The following PSMB7 variants were observed in gnomAD, a reference collection of about 807,000 sequenced individuals.
The protein encoded by PSMB7 is proteasome subunit beta type-7.
A neutral mutation model predicts 28.1 loss-of-function variants in PSMB7; 5 were observed. The observed-to-expected ratio is 0.18, with a 90% CI of 0.09 to 0.37. The LOEUF (loss-of-function observed/expected upper bound fraction) is 0.37. Ranked by LOEUF, PSMB7 falls within the 10% of genes least tolerant of loss-of-function variation. The pLI is 1.00. For missense variants in PSMB7, 275 were observed against 346.2 expected, an observed-to-expected ratio of 0.79 and a Z score of 1.63; for synonymous variants, 122 against 123.7, an observed-to-expected ratio of 0.99 and a Z score of 0.09.
rs1272389688 is a variant in PSMB7 at position 124,356,731 on chromosome 9, G to A, written c.722+33C>T. The A allele has an allele frequency of 1.9e-6, 3 of 1,596,098 alleles. No homozygotes were observed. In the South Asian group the frequency reaches 3.3e-5, roughly 18 times the overall value. ...TACCAAGGGTGGCCACGACGCCAGGGGACCCAGGAAGAACTTCGTCTCCTT... is the reference window on the plus strand; with the variant it reads ...TACCAAGGGTGGCCACGACGCCAGGAGACCCAGGAAGAACTTCGTCTCCTT... On this transcript the variant is annotated intron_variant, in intron 7 of 7. Coordinates refer to ENST00000259457, the MANE Select transcript of PSMB7 (RefSeq NM_002799.4). The surrounding 1 kb of genome is among the most constrained non-coding windows in gnomAD (Gnocchi z 4.4).
chr9:124,374,142 A>G (rs1205312264), intron 6 of PSMB7, among the ~76,000 whole-genome samples: 2 of 152,250 alleles, frequency 1.3e-5, no homozygotes, highest in African/African-American at 4.8e-5. Flanking sequence ...ACAAAAGACC[A>G]CATATTATAT....
At chr9:124,377,752 C>G (rs781049496) in intron 6 of PSMB7, among the ~76,000 whole-genome samples, 4 of 152,220 alleles carry the variant, frequency 2.6e-5, no homozygotes, top group Non-Finnish European at 5.9e-5. Flanking sequence ...ATAAATCAGA[C>G]GGCTGAAGTG....
chr9:124,389,564 C>T (rs948384505), intron 5 of PSMB7, among the ~76,000 whole-genome samples: 22 of 152,194 alleles, frequency 1.4e-4, no homozygotes, highest in Non-Finnish European at 2.9e-4. Flanking sequence ...CCCTGTTCAA[C>T]ACCCGCCACC....
At chr9:124,407,231 A>G (rs1308893655) in intron 4 of PSMB7, among the ~76,000 whole-genome samples, 1 of 152,380 alleles carries the variant, frequency 6.6e-6, no homozygotes, top group East Asian at 1.9e-4. Flanking sequence ...TGTCTGAGAC[A>G]TGGCCACACA....
At chr9:124,355,350 A>G (rs1022815069) in intron 7 of PSMB7, among the ~76,000 whole-genome samples, 11 of 152,206 alleles carry the variant, frequency 7.2e-5, no homozygotes, top group African/African-American at 2.4e-4. Context: ...CCCAGGAAGT[A>G]GGATGTGCCA....
intron 6 of PSMB7, among the ~76,000 whole-genome samples, chr9:124,374,315 G>A (rs1053676257): frequency 6.6e-6 from 1 of 152,124 alleles, no homozygotes; most frequent in Non-Finnish European, 1.5e-5. Flanking sequence ...ATTGACTGTG[G>A]TAATAGCTGT....
At chr9:124,401,703 C>G (rs1236301177) in intron 5 of PSMB7, among the ~76,000 whole-genome samples, 1 of 152,170 alleles carries the variant, frequency 6.6e-6, no homozygotes, top group East Asian at 1.9e-4. Context: ...TGCTATAGTG[C>G]CTTTACACAG....
At chr9:124,407,420 C>T (rs1830977676) in intron 4 of PSMB7, among the ~76,000 whole-genome samples, 2 of 152,166 alleles carry the variant, frequency 1.3e-5, no homozygotes, top group African/African-American at 2.4e-5. Flanking sequence ...CAAGGCCCCA[C>T]GTGTGAGCTA....
intron 5 of PSMB7, chr9:124,396,728 C>G (rs1294232676): frequency 1.3e-5 from 6 of 455,816 alleles, no homozygotes; most frequent in African/African-American, 1.2e-4. Flanking sequence ...GATAAGCAGG[C>G]AAAAACAAAA....
At chr9:124,388,883 G>C (rs1830754909) in intron 5 of PSMB7, among the ~76,000 whole-genome samples, 7 of 152,074 alleles carry the variant, frequency 4.6e-5, no homozygotes, top group Admixed American at 4.6e-4. Context: ...CCCTCCACAG[G>C]GTTTATCACT....
Position 124,360,959 on chromosome 9 carries a change from A to G in PSMB7, c.571-4044T>C, listed in dbSNP as rs1009612370. 5.8e-4 allele frequency among the ~76,000 whole-genome samples: 89 copies of G among 152,252 alleles called. 2 individuals carry two copies. Among genetic ancestry groups the G allele is most frequent in the Non-Finnish European group, 1.3e-4 (9 of 68,044 alleles). ...AGCAAGCCAGAGGGCTCCTAAAAACACAACTTATCTCTAAGCAGCAACTGC... is the reference window on the plus strand; with the variant it reads ...AGCAAGCCAGAGGGCTCCTAAAAACGCAACTTATCTCTAAGCAGCAACTGC... On this transcript the variant is annotated intron_variant, in intron 6 of 7. Transcript: ENST00000259457.
chr9:124,408,144 T>C (rs1415898626), intron 4 of PSMB7, among the ~76,000 whole-genome samples: 2 of 152,106 alleles, frequency 1.3e-5, no homozygotes, highest in Non-Finnish European at 2.9e-5. Context: ...GCCATGATCA[T>C]GCCACTGCAC....
At chr9:124,399,270 G>C (rs998024987) in intron 5 of PSMB7, among the ~76,000 whole-genome samples, 4 of 152,224 alleles carry the variant, frequency 2.6e-5, no homozygotes, top group African/African-American at 9.6e-5. Flanking sequence ...GAGACCCTGA[G>C]AGTGAGGCAC....
intron 6 of PSMB7, among the ~76,000 whole-genome samples, chr9:124,379,544 G>T (rs116644321): frequency 1.3e-3 from 197 of 152,332 alleles, no homozygotes; most frequent in Middle Eastern, 3.4e-3. Context: ...AACTCACTTG[G>T]TTAGTTGAAA....
At chr9:124,396,011 C>T (rs1830837191) in intron 5 of PSMB7, among the ~76,000 whole-genome samples, 1 of 152,200 alleles carries the variant, frequency 6.6e-6, no homozygotes, top group Admixed American at 6.5e-5. Flanking sequence ...CTCTTATACA[C>T]AGTCAACCAC....
chr9:124,412,538 G>C (rs765700143), intron 3 of PSMB7, 46 bp from the exon 4 acceptor site: 3 of 1,604,722 alleles, frequency 1.9e-6, no homozygotes, highest in Non-Finnish European at 2.6e-6. Flanking sequence ...ATTACCAGAG[G>C]GCTCAATTAG....
rs1253641887 is a variant in PSMB7, at chr9:124,356,367, A to T, written c.722+397T>A. 1.3e-5 allele frequency among the ~76,000 whole-genome samples: 2 copies of T among 152,134 alleles called. No homozygotes were observed. The highest frequency in any genetic ancestry group is 1.3e-4 in the Admixed American group (2 of 15,280). ...CTCTGGGAGGCTGTTAGCATTGCTG[A>T]CTTACACCCAGTTAGGAATCTCGGG... On this transcript the variant is annotated intron_variant, in intron 7 of 7. Coordinates refer to ENST00000259457, the MANE Select transcript of PSMB7 (RefSeq NM_002799.4). This position sits in a 1 kb window ranked among gnomAD's most constrained non-coding sequence, Gnocchi z 4.4.
chr9:124,368,484 C>A (rs1830530119), intron 6 of PSMB7, among the ~76,000 whole-genome samples: 1 of 152,190 alleles, frequency 6.6e-6, no homozygotes, highest in Non-Finnish European at 1.5e-5. Context: ...GTCATCGAAT[C>A]CCACGGCAAA....
intron 4 of PSMB7, among the ~76,000 whole-genome samples, chr9:124,411,969 G>A (rs1258243858): frequency 1.3e-5 from 2 of 152,132 alleles, no homozygotes; most frequent in Non-Finnish European, 2.9e-5. Context: ...CTAAAGGGAG[G>A]GGGTGGGGGG....
Sources: gnomAD v4.1 joint callset for allele counts (sites outside exome capture counted in the v4.1 genomes callset) on GRCh38, gnomAD v4.1.1 for gene constraint, Gnocchi (gnomAD v3.1) non-coding constraint, MANE v1.5 for transcripts, NCBI Gene and HGNC (gene_info 2026-07-23, HGNC 2026-07-21) for gene names.